The following ELFN2 variants were observed in gnomAD, a reference collection of about 807,000 sequenced individuals.
The protein encoded by ELFN2 is protein phosphatase 1 regulatory subunit 29.
In ELFN2, 17 loss-of-function variants were observed where a neutral mutation model predicts 45.5. The ratio of observed to expected loss-of-function variants is 0.37; its 90% CI spans 0.26 to 0.56. The LOEUF is 0.56. ELFN2 is among the 20% of genes least tolerant of loss of function. The pLI is 0.77. For synonymous variants in ELFN2, 550 were observed against 551.5 expected, an observed-to-expected ratio of 1.00 and a Z score of 0.04; for missense variants, 922 against 1,183.2, an observed-to-expected ratio of 0.78 and a Z score of 3.24.
chr22:37,347,791 T>C (rs1039095756), intron 1 of ELFN2, among the ~76,000 whole-genome samples: 2 of 152,114 alleles, frequency 1.3e-5, no homozygotes, highest in African/African-American at 4.8e-5. Flanking sequence ...ATGTCTGACA[T>C]ACTAAGGCAG....
At chr22:37,343,719 C>T (rs1388831576) in intron 1 of ELFN2, among the ~76,000 whole-genome samples, 10 of 146,122 alleles carry the variant, frequency 6.8e-5, no homozygotes, top group Non-Finnish European at 1.4e-4. Flanking sequence ...CCACCCCCCC[C>T]GGACCCCAGC....
intron 2 of ELFN2, among the ~76,000 whole-genome samples, chr22:37,377,692 T>A (rs2145640277): frequency 6.6e-6 from 1 of 152,262 alleles, no homozygotes; most frequent in South Asian, 2.1e-4. Flanking sequence ...CATCAGAGGC[T>A]GTGATGATCT....
intron 2 of ELFN2, among the ~76,000 whole-genome samples, chr22:37,382,069 C>T (rs965930269): frequency 6.7e-6 from 1 of 150,234 alleles, no homozygotes; most frequent in African/African-American, 2.4e-5. Flanking sequence ...CCGAGCCTTC[C>T]TTTTAGTTTC....
At chr22:37,385,282 C>T (rs912478435) in intron 2 of ELFN2, 6 of 152,286 alleles carry the variant, frequency 3.9e-5, no homozygotes, top group African/African-American at 1.4e-4. Context: ...AGCACTATCA[C>T]TATTCCCACT....
At chr22:37,415,657 C>T (rs374177963) in intron 2 of ELFN2, among the ~76,000 whole-genome samples, 10 of 152,318 alleles carry the variant, frequency 6.6e-5, no homozygotes, top group Admixed American at 2.0e-4. Context: ...CATTTTAAAA[C>T]GATTTTTAAA....
At chr22:37,384,008 G>C (rs1405486791) in intron 2 of ELFN2, among the ~76,000 whole-genome samples, 2 of 152,082 alleles carry the variant, frequency 1.3e-5, no homozygotes, top group Non-Finnish European at 2.9e-5. Flanking sequence ...TCTCTGGTTT[G>C]CTGGGGCCAC....
intron 1 of ELFN2, among the ~76,000 whole-genome samples, chr22:37,360,711 G>A (rs1201592352): frequency 6.6e-6 from 1 of 152,212 alleles, no homozygotes; most frequent in African/African-American, 2.4e-5. Flanking sequence ...ACCGAAAGCA[G>A]CTGGGAAAGC....
chr22:37,344,209 G>A (rs1389610060), intron 1 of ELFN2, among the ~76,000 whole-genome samples: 1 of 54,810 alleles, frequency 1.8e-5, no homozygotes, highest in Admixed American at 1.9e-4. Flanking sequence ...ACCTGCCCAT[G>A]CCCCCTGCCC....
At chr22:37,363,563 T>G (rs1931136261), downstream of ELFN2, among the ~76,000 whole-genome samples, 1 of 151,058 alleles carries the variant, frequency 6.6e-6, no homozygotes, top group Non-Finnish European at 1.5e-5. Flanking sequence ...GGATTTGGGG[T>G]GGGGACTGGG....
rs182397786 is a variant in ELFN2 at position 37,355,416 on chromosome 22, G to A, written n.149-12713C>T. Among the ~76,000 whole-genome samples the A allele has an allele frequency of 5.9e-5, 9 of 152,320 alleles. No homozygotes were observed. The East Asian group carries it at 1.7e-3, about 29-fold the overall frequency. ...CTGAGACTGGTCACAGCCCACACCT[G>A]ACCTGTCACTGGCAGAGGGTGCGCT... is the stretch of plus-strand genomic sequence containing the variant. On this transcript the variant is annotated intron_variant and non_coding_transcript_variant, in intron 1 of 2. Transcript: ENST00000452946.
intron 1 of ELFN2, among the ~76,000 whole-genome samples, chr22:37,362,536 C>T (rs933815836): frequency 6.6e-6 from 1 of 152,202 alleles, no homozygotes; most frequent in Non-Finnish European, 1.5e-5. Context: ...TGGCATCTCT[C>T]GACACTCCAC....
At chr22:37,347,199 G>A (rs1473274913) in intron 1 of ELFN2, among the ~76,000 whole-genome samples, 4 of 151,940 alleles carry the variant, frequency 2.6e-5, no homozygotes, top group Non-Finnish European at 4.4e-5. Context: ...GGCTGGTCTC[G>A]AACTCCTGAC....
rs527381118 is a variant in ELFN2, at chr22:37,407,363, A to G, written c.-463+10406T>C. Among the ~76,000 whole-genome samples, 15 of 152,178 alleles carry G rather than the reference A, an allele frequency of 9.9e-5. No homozygotes were observed. In the South Asian group the frequency reaches 3.1e-3, roughly 32 times the overall value. On this transcript the variant is annotated intron_variant, in intron 2 of 2. Coordinates refer to ENST00000402918, the MANE Select transcript of ELFN2 (RefSeq NM_052906.5). ...AACAAATGCTTGTTGAACACCTACT[A>G]TCATGCAGCCGGCTCTGTGCTGGCA...
At chr22:37,403,849 T>G (rs532609589) in intron 2 of ELFN2, among the ~76,000 whole-genome samples, 1 of 152,210 alleles carries the variant, frequency 6.6e-6, no homozygotes. Flanking sequence ...TGAGAGAGCC[T>G]TGGGTTTGGC....
At chr22:37,383,269 G>A (rs1931839697) in intron 2 of ELFN2, among the ~76,000 whole-genome samples, 1 of 152,188 alleles carries the variant, frequency 6.6e-6, no homozygotes, top group East Asian at 1.9e-4. Context: ...AGGCACCAGC[G>A]TCCTGTCCTC....
rs1930760808 is a variant in ELFN2, at chr22:37,349,020, T to C, written n.149-6317A>G. Among the ~76,000 whole-genome samples, 2 of 151,148 alleles carry C rather than the reference T, an allele frequency of 1.3e-5. 1 individual carries two copies. Among genetic ancestry groups the C allele is most frequent in the Non-Finnish European group, 3.0e-5 (2 of 67,344 alleles). ...TTTAGTGCATGCTGGGCGCTTTTCA[T>C]GTCAGCAGGGCAGCCCACAGATCGC... On this transcript the variant is annotated intron_variant and non_coding_transcript_variant, in intron 1 of 2. Coordinates refer to ENST00000452946, the Ensembl canonical transcript of ELFN2.
chr22:37,347,114 G>A (rs1478103455), intron 1 of ELFN2, among the ~76,000 whole-genome samples: 3 of 152,104 alleles, frequency 2.0e-5, no homozygotes, highest in South Asian at 2.1e-4. Flanking sequence ...GAGTAGCTGG[G>A]ATTTCAGGTG....
intron 2 of ELFN2, among the ~76,000 whole-genome samples, chr22:37,393,549 T>A (rs1932135828): frequency 6.6e-6 from 1 of 152,156 alleles, no homozygotes; most frequent in African/African-American, 2.4e-5. Context: ...ACAGTAATAA[T>A]AACAGCACCC....
rs567462832 is a variant in ELFN2 at position 37,350,417 on chromosome 22, G to A, written n.149-7714C>T. Among the ~76,000 whole-genome samples the A allele has an allele frequency of 4.6e-4, 69 of 150,690 alleles. 1 individual carries two copies. The South Asian group carries it at 0.014, about 30-fold the overall frequency. Reference sequence around the variant, plus strand: ...ACTGTCGGGCGGCTGCAGGGGACTCGGTGGCCTCAGTGAGCTCTGGCCACC... The same window carrying A: ...ACTGTCGGGCGGCTGCAGGGGACTCAGTGGCCTCAGTGAGCTCTGGCCACC... On this transcript the variant is annotated intron_variant and non_coding_transcript_variant, in intron 1 of 2. Transcript: ENST00000452946.
Sources: gnomAD v4.1 joint callset for allele counts (sites outside exome capture counted in the v4.1 genomes callset) on GRCh38, gnomAD v4.1.1 for gene constraint, MANE v1.5 for transcripts, NCBI Gene and HGNC (gene_info 2026-07-23, HGNC 2026-07-21) for gene names.